CELF2: variants seen among roughly 807,000 people sequenced by gnomAD.
CELF2 encodes CUG triplet repeat RNA-binding protein 2.
In CELF2, 8 loss-of-function variants were observed where a neutral mutation model predicts 62.6. The observed-to-expected ratio is 0.13, with a 90% CI of 0.07 to 0.23. CELF2 has a LOEUF of 0.23. Among genes scored for constraint, CELF2 ranks in the 10% least tolerant of loss-of-function variants. CELF2 has a pLI of 1.00. For missense variants in CELF2, 333 were observed against 671.0 expected (o/e 0.50, Z 5.56); for synonymous variants, 258 against 250.0 (o/e 1.03, Z -0.30).
the CELF2 span, among the ~76,000 whole-genome samples, chr10:10,740,589 A>C: frequency 2.0e-5 from 3 of 151,924 alleles, no homozygotes; most frequent in South Asian, 2.1e-4. Context: ...CCGCCCTCCC[A>C]AAAAAAAGAT....
chr10:10,498,535 A>G, the CELF2 span, among the ~76,000 whole-genome samples: 3 of 152,228 alleles, frequency 2.0e-5, no homozygotes, highest in East Asian at 5.8e-4. Flanking sequence ...GAGACTGGTT[A>G]GAGAAATGGG....
At chr10:10,569,664 G>A in the CELF2 span, among the ~76,000 whole-genome samples, 24 of 152,266 alleles carry the variant, frequency 1.6e-4, no homozygotes, top group African/African-American at 5.3e-4. Context: ...GGAATTCAAT[G>A]CAAAGAATCA....
intron 1 of CELF2, among the ~76,000 whole-genome samples, chr10:10,807,011 A>G (rs1162771979): frequency 6.6e-6 from 1 of 152,218 alleles, no homozygotes; most frequent in Non-Finnish European, 1.5e-5. Context: ...TGTTTATAAA[A>G]TGTTTCTTGT....
At chr10:11,313,275 T>C (rs2094686539) in intron 9 of CELF2, among the ~76,000 whole-genome samples, 1 of 152,218 alleles carries the variant, frequency 6.6e-6, no homozygotes, top group African/African-American at 2.4e-5. Context: ...CATAGAAATA[T>C]ACCTTCAAGA....
chr10:10,520,225 A>G, the CELF2 span, among the ~76,000 whole-genome samples: 2 of 152,234 alleles, frequency 1.3e-5, no homozygotes, highest in African/African-American at 4.8e-5. Context: ...ATTTTTATGG[A>G]TGCAAGAAAG....
intron 2 of CELF2, among the ~76,000 whole-genome samples, chr10:10,982,970 T>G (rs1228381775): frequency 6.6e-6 from 1 of 152,090 alleles, no homozygotes; most frequent in Admixed American, 6.5e-5. Flanking sequence ...TCATTTAAAT[T>G]GTCAAAAAGG....
chr10:11,195,611 G>T (rs1025171609), intron 2 of CELF2, among the ~76,000 whole-genome samples: 2 of 152,204 alleles, frequency 1.3e-5, no homozygotes, highest in Admixed American at 6.5e-5. Flanking sequence ...TTAGAAGGAA[G>T]ATTATTTTGC....
At chr10:10,839,031 A>C (rs920745129) in intron 1 of CELF2, among the ~76,000 whole-genome samples, 1 of 152,288 alleles carries the variant, frequency 6.6e-6, no homozygotes. Flanking sequence ...CTGTAGTCCC[A>C]GCTACTCAGG....
chr10:11,266,604 C>T lies in CELF2; in HGVS notation c.545C>T (p.Ala182Val). The T allele has an allele frequency of 6.2e-7, 1 of 1,613,648 alleles. No homozygotes were observed. Among genetic ancestry groups the T allele is most frequent in the Non-Finnish European group, 8.5e-7 (1 of 1,179,606 alleles). The change falls in exon 6 of 13, where the codon GCG becomes GTG. Residue 182 changes from alanine to valine, a missense_variant. Transcript: ENST00000633077. ...GTCCCCTTGTTTCCCACAGGCTGTGCGTTTGTCACATTTTCTACAAGGGCA... is the reference window on the plus strand; with the variant it reads ...GTCCCCTTGTTTCCCACAGGCTGTGTGTTTGTCACATTTTCTACAAGGGCA... ...RGPDGLSRGC[A>V]FVTFSTRAMA...
chr10:11,286,678 T>C (rs1164741219), intron 8 of CELF2, among the ~76,000 whole-genome samples: 3 of 152,238 alleles, frequency 2.0e-5, no homozygotes, highest in African/African-American at 7.2e-5. Flanking sequence ...AATATGGCAC[T>C]GTGTGACCCT....
chr10:11,187,698 C>G (rs947523724), intron 2 of CELF2, among the ~76,000 whole-genome samples: 10 of 151,898 alleles, frequency 6.6e-5, no homozygotes, highest in Admixed American at 6.6e-4. Flanking sequence ...ATTTGTTACA[C>G]GTCTTTATCA....
intron 1 of CELF2, among the ~76,000 whole-genome samples, chr10:11,137,658 A>C (rs1295295389): frequency 6.6e-6 from 1 of 152,102 alleles, no homozygotes; most frequent in Non-Finnish European, 1.5e-5. Context: ...TTACATCATC[A>C]TCATTTTCTC....
At chr10:10,781,932 C>T in the CELF2 span, among the ~76,000 whole-genome samples, 3 of 151,876 alleles carry the variant, frequency 2.0e-5, no homozygotes, top group Admixed American at 2.0e-4. Flanking sequence ...AATAATATGG[C>T]AATAAAAATA....
intron 1 of CELF2, among the ~76,000 whole-genome samples, chr10:10,836,762 A>G (rs1223561100): frequency 2.0e-5 from 3 of 152,098 alleles, no homozygotes; most frequent in Non-Finnish European, 4.4e-5. Context: ...CAGCTTCCCG[A>G]GTAACTGGGA....
the CELF2 span, among the ~76,000 whole-genome samples, chr10:10,689,818 T>C: frequency 0.23 from 34,647 of 152,172 alleles, 4,152 homozygotes; most frequent in South Asian, 0.43. Context: ...TAACGAAATA[T>C]GTACGTGTGA....
intron 1 of CELF2, among the ~76,000 whole-genome samples, chr10:10,854,638 C>T (rs1338761586): frequency 6.6e-6 from 1 of 152,054 alleles, no homozygotes; most frequent in African/African-American, 2.4e-5. Context: ...CCTCTCTCCC[C>T]ATTTCTCTGC....
chr10:10,835,161 C>A (rs1285209436), intron 1 of CELF2, among the ~76,000 whole-genome samples: 1 of 151,998 alleles, frequency 6.6e-6, no homozygotes, highest in Non-Finnish European at 1.5e-5. Flanking sequence ...TAATGTATTA[C>A]TATTTTTAGA....
chr10:10,499,718 G>C, the CELF2 span, among the ~76,000 whole-genome samples: 1 of 152,048 alleles, frequency 6.6e-6, no homozygotes, highest in African/African-American at 2.4e-5. Context: ...TCTCCACTAA[G>C]AATACAAAAA....
intron 1 of CELF2, among the ~76,000 whole-genome samples, chr10:11,009,155 C>G (rs188400011): frequency 1.2e-4 from 19 of 152,076 alleles, no homozygotes; most frequent in African/African-American, 4.6e-4. Flanking sequence ...AAATTCGTGG[C>G]AATTGACTTG....
Sources: gnomAD v4.1 joint callset for allele counts (sites outside exome capture counted in the v4.1 genomes callset) on GRCh38, gnomAD v4.1.1 for gene constraint, MANE v1.5 for transcripts, NCBI Gene and HGNC (gene_info 2026-07-23, HGNC 2026-07-21) for gene names.